Variants in MYO7A observed in about 807,000 individuals in gnomAD.
MYO7A encodes myosin VIIA, also known as unconventional myosin-VIIa.
A neutral mutation model predicts 263.8 loss-of-function variants in MYO7A; 210 were observed. The ratio of observed to expected loss-of-function variants is 0.80; its 90% CI spans 0.71 to 0.89. The LOEUF is 0.89. Among genes scored for constraint, MYO7A ranks in the 40% least tolerant of loss-of-function variants. The pLI, the probability that MYO7A is intolerant of heterozygous loss-of-function variation, is 0.00. For missense variants in MYO7A, 2,820 were observed against 2,968.3 expected (o/e 0.95, Z 1.16); for synonymous variants, 1,239 against 1,197.3 (o/e 1.03, Z -0.72).
At chr11:77,182,397 G>A (rs369359133) in intron 24 of MYO7A, 27 bp from the exon 25 acceptor site, 113 of 1,597,982 alleles carry the variant, frequency 7.1e-5, no homozygotes, top group Middle Eastern at 3.6e-4. Flanking sequence ...CTCCGCTCTG[G>A]CCTCTGACAT....
chr11:77,157,511 G>T, intron 8 of MYO7A, 119 bp downstream of exon 8: 1 of 685,450 alleles, frequency 1.5e-6, no homozygotes, highest in East Asian at 2.7e-5. Flanking sequence ...CCAGCTTCTT[G>T]CTGGCTTGTC....
chr11:77,213,866 C>T lies in MYO7A; in HGVS notation c.6445C>T (p.Leu2149Phe). 2 of 1,614,044 alleles carry T rather than the reference C, an allele frequency of 1.2e-6. No homozygotes were observed. The highest frequency in any genetic ancestry group is 1.7e-6 in the Non-Finnish European group (2 of 1,179,904). ...GCCCTTTCTGCTCCCCCAGGATATC[C>T]TCACCACTCATCCCTTCACCAAGAT... ...SLIDPKTKDI[L>F]TTHPFTKISN... The change falls in exon 48 of 49, where the codon CTC becomes TTC. Residue 2149 changes from leucine to phenylalanine, a missense_variant. Leu to Phe is a conservative substitution (Grantham distance 22). Coordinates refer to ENST00000409709, the MANE Select transcript of MYO7A (RefSeq NM_000260.4).
chr11:77,196,087 G>C (rs1201577215), intron 32 of MYO7A, among the ~76,000 whole-genome samples: 1 of 152,230 alleles, frequency 6.6e-6, no homozygotes, highest in Non-Finnish European at 1.5e-5. Context: ...CTTATCTCTG[G>C]GCCAGGCGCG....
intron 35 of MYO7A, among the ~76,000 whole-genome samples, chr11:77,200,978 A>C (rs745940692): frequency 1.9e-4 from 29 of 152,362 alleles, no homozygotes; most frequent in Admixed American, 6.5e-4. Flanking sequence ...GTGACAGTGC[A>C]GTGAGCAGGG....
At chr11:77,158,224 C>A in intron 8 of MYO7A, 53 bp from the exon 9 acceptor site, 1 of 1,511,350 alleles carries the variant, frequency 6.6e-7, no homozygotes, top group East Asian at 2.4e-5. Context: ...CACTGCCCCT[C>A]TGGGGGTACA....
In MYO7A at chr11:77,179,589, G is replaced by A. The variant is rs534310061; in HGVS notation, c.2368-146G>A. The A allele has an allele frequency of 4.5e-4, 300 of 669,988 alleles. 6 individuals are homozygous for A. The East Asian group carries it at 8.3e-3, about 19-fold the overall frequency. 41.5% of individuals were successfully genotyped at this position (669,988 alleles called of 1,614,324 possible). On this transcript the variant is annotated intron_variant, in intron 20 of 48. Transcript: ENST00000409709. ...AGGAAACAGAACTTTCTAACGATGG[G>A]GGGGCACTAATCTGAGAGGAGACTG...
chr11:77,199,537 A>T lies in MYO7A; in HGVS notation c.4571A>T (p.Glu1524Val), dbSNP rs749780757. The stretch of plus-strand genomic sequence containing the variant: ...CAACTGGCCTTGATCTCCTTCAGGG[A>T]GTGCCGTGTCTGGCTCTCACTGGGC... ...PEIMAVSSSR[E>V]CRVWLSLGCS... is the part of the protein sequence containing the mutation. The change falls in exon 35 of 49, where the codon GAG becomes GTG. Residue 1524 changes from glutamate to valine, a missense_variant and splice_region_variant. Physicochemically the swap from Glu to Val is moderately radical, Grantham distance 121. Coordinates refer to ENST00000409709, the MANE Select transcript of MYO7A (RefSeq NM_000260.4). The T allele has an allele frequency of 9.4e-6, 14 of 1,490,264 alleles. No individual in the cohort carries two copies. The African/African-American group carries it at 1.7e-4, about 18-fold the overall frequency. The allele number at this position is 1,490,264 out of a possible 1,614,324, so 92.3% of individuals were successfully genotyped here. A position where few individuals can be genotyped will look rare whatever the true frequency, so the allele number is the denominator to read the frequency against.
intron 7 of MYO7A, 105 bp downstream of exon 7, chr11:77,157,109 C>A: frequency 6.7e-7 from 1 of 1,497,400 alleles, no homozygotes; most frequent in Non-Finnish European, 9.1e-7. Context: ...CCCCCACCTG[C>A]CCGTATTGCT....
intron 44 of MYO7A, chr11:77,209,047 C>G: frequency 1.9e-6 from 1 of 533,094 alleles, no homozygotes; most frequent in Non-Finnish European, 3.4e-6. Flanking sequence ...CCTACCTGTT[C>G]AGGCCCCTCC....
intron 27 of MYO7A, among the ~76,000 whole-genome samples, chr11:77,188,998 G>A (rs1303932654): frequency 7.9e-5 from 12 of 152,194 alleles, no homozygotes; most frequent in Non-Finnish European, 1.5e-4. Context: ...GGTTAGGAAC[G>A]AGGCAGAGGC....
chr11:77,181,929 G>A (rs781868455), intron 23 of MYO7A, 22 bp from the exon 24 acceptor site: 3 of 1,610,572 alleles, frequency 1.9e-6, no homozygotes, highest in African/African-American at 1.3e-5. Context: ...GGACTCCAGG[G>A]CATACCTCTT....
chr11:77,176,327 GC>G (rs1555080075), intron 18 of MYO7A, among the ~76,000 whole-genome samples: 1 of 152,224 alleles, frequency 6.6e-6, no homozygotes, highest in Non-Finnish European at 1.5e-5. Context: ...CCCTGCCTGT[GC>G]CTCCCACAGC....
In MYO7A at chr11:77,214,981, C is replaced by T; in HGVS notation, c.*285C>T. On this transcript the variant is annotated 3_prime_UTR_variant, in exon 49 of 49. Coordinates refer to ENST00000409709, the MANE Select transcript of MYO7A (RefSeq NM_000260.4). Reference sequence around the variant, plus strand: ...GAGAGCCTGTGATCCTTAGATGTGTCTCCTGTTTCAGACCAGCCCCACCAT... The same window carrying T: ...GAGAGCCTGTGATCCTTAGATGTGTTTCCTGTTTCAGACCAGCCCCACCAT... The T allele has an allele frequency of 2.5e-6, 1 of 401,966 alleles. No individual in the cohort carries two copies. Among genetic ancestry groups the T allele is most frequent in the Non-Finnish European group, 4.5e-6 (1 of 220,956 alleles). The allele number at this position is 401,966 out of a possible 1,614,324, so 24.9% of individuals were successfully genotyped here. A position where few individuals can be genotyped will look rare whatever the true frequency, so the allele number is the denominator to read the frequency against.
chr11:77,143,002 C>T (rs559400655), intron 3 of MYO7A, among the ~76,000 whole-genome samples, 180 bp downstream of exon 3: 1 of 152,300 alleles, frequency 6.6e-6, no homozygotes, highest in East Asian at 1.9e-4. Context: ...GGAACCCCTG[C>T]CTGCCTCAGG....
Position 77,207,333 on chromosome 11 carries a change from G to C in MYO7A, c.5787G>C (p.Gln1929His), listed in dbSNP as rs771914005. The C allele has an allele frequency of 1.2e-6, 2 of 1,612,790 alleles. No homozygotes were observed. Among genetic ancestry groups the C allele is most frequent in the East Asian group, 2.2e-5 (1 of 44,848 alleles). The change falls in exon 42 of 49, where the codon CAG becomes CAC. Residue 1929 changes from glutamine (Q) to histidine (H), a missense_variant. Physicochemically the swap from Gln to His is conservative, Grantham distance 24. Coordinates refer to ENST00000409709, the MANE Select transcript of MYO7A (RefSeq NM_000260.4). ...ESSTKAKDFC[Q>H]NIATRLLLKS... ...GCACCAAGGCCAAGGACTTCTGCCAGAACATCGCCACCAGGCTGCTCCTCA... is the reference window on the plus strand; with the variant it reads ...GCACCAAGGCCAAGGACTTCTGCCACAACATCGCCACCAGGCTGCTCCTCA...
At position 77,141,755 on chromosome 11, in the gene MYO7A, G is replaced by T. The variant is rs868990064; in HGVS notation, c.19-954G>T. Among the ~76,000 whole-genome samples the T allele has an allele frequency of 2.6e-5, 4 of 152,142 alleles. 1 individual carries two copies. Among genetic ancestry groups the T allele is most frequent in the South Asian group, 4.1e-4 (2 of 4,824 alleles). On this transcript the variant is annotated intron_variant, in intron 2 of 48. Transcript: ENST00000409709. ...TGGCTGACTGCTTGTCACCCTTCAG[G>T]TGTCAGCTCAGCGATTCCCTCCATG...
rs1471080753 is a variant in MYO7A at position 77,213,024 on chromosome 11, C to T, written c.6427C>T (p.Pro2143Ser). 1.3e-6 allele frequency: 2 copies of T among 1,577,810 alleles called. No individual in the cohort carries two copies. Among genetic ancestry groups the T allele is most frequent in the Non-Finnish European group, 1.7e-6 (2 of 1,160,900 alleles). The stretch of plus-strand genomic sequence containing the variant: ...CAAGTATGGGGTCAGCCTCATCGAT[C>T]CCAAAACGAAGGTGAGCAGGGATAA... ...INKYGVSLID[P>S]KTKDILTTHP... The change falls in exon 47 of 49, where the codon CCC becomes TCC. Residue 2143 changes from proline (P) to serine (S), a missense_variant. Pro to Ser is a moderately conservative substitution (Grantham distance 74). Coordinates refer to ENST00000409709, the MANE Select transcript of MYO7A (RefSeq NM_000260.4).
intron 4 of MYO7A, among the ~76,000 whole-genome samples, chr11:77,148,936 G>A (rs1003838601): frequency 4.6e-5 from 7 of 152,150 alleles, no homozygotes; most frequent in Admixed American, 4.6e-4. Context: ...GTGATATTTT[G>A]GCTGAAGTGT....
rs372873096 is a variant in MYO7A at position 77,133,666 on chromosome 11, T to G, written c.18+3014T>G. Among the ~76,000 whole-genome samples, 87 of 152,304 alleles carry G rather than the reference T, an allele frequency of 5.7e-4. 1 individual carries two copies. The highest frequency in any genetic ancestry group is 2.0e-3 in the African/African-American group (85 of 41,562). Reference sequence around the variant, plus strand: ...TTAGATCATGTGGTTGGTTTTTGTTTTGTTTTGTTTTTATCCATTCTGCCA... The same window carrying G: ...TTAGATCATGTGGTTGGTTTTTGTTGTGTTTTGTTTTTATCCATTCTGCCA... On this transcript the variant is annotated intron_variant, in intron 2 of 48. Transcript: ENST00000409709.
Sources: allele counts gnomAD v4.1 joint callset (sites outside exome capture counted in the v4.1 genomes callset), GRCh38; gene constraint gnomAD v4.1.1; transcripts MANE v1.5; gene names NCBI Gene and HGNC (gene_info 2026-07-23, HGNC 2026-07-21).